Variants in SLC4A3 observed in about 807,000 individuals in gnomAD.
SLC4A3 encodes the protein solute carrier family 4 member 3.
Under a neutral mutation model 114.2 loss-of-function variants are expected in SLC4A3, and 47 were observed. The ratio of observed to expected loss-of-function variants is 0.41; its 90% CI spans 0.33 to 0.52. SLC4A3 has a LOEUF of 0.52. SLC4A3 is among the 20% of genes least tolerant of loss of function. The probability of loss-of-function intolerance (pLI) is 0.21; values close to 1 mark genes in which losing one functional copy is unlikely to be tolerated. For missense variants in SLC4A3, 1,312 were observed against 1,668.3 expected (o/e 0.79, Z 3.72); for synonymous variants, 693 against 710.3 (o/e 0.98, Z 0.39).
Position 219,631,111 on chromosome 2 carries a change from T to G in SLC4A3, c.811+759T>G. ...GGAGCAGGCTTGTGGACTTGGGGAG[T>G]TGGGGTCGGGAGGCTGTGCCACCTT... On this transcript the variant is annotated intron_variant, in intron 6 of 22. Coordinates refer to ENST00000358055, the MANE Select transcript of SLC4A3 (RefSeq NM_005070.4). The surrounding 1 kb of genome is among the most constrained non-coding windows in gnomAD (Gnocchi z 6.3). 3 of 1,139,576 alleles carry G rather than the reference T, an allele frequency of 2.6e-6. No homozygotes were observed. The highest frequency in any genetic ancestry group is 3.8e-5 in the South Asian group (2 of 52,956). 70.6% of individuals were successfully genotyped at this position (1,139,576 alleles called of 1,614,324 possible).
rs1430353328 is a variant in SLC4A3, at chr2:219,636,954, G to A, written c.2535+80G>A. 16 of 1,244,560 alleles carry A rather than the reference G, an allele frequency of 1.3e-5. No homozygotes were observed. The highest frequency in any genetic ancestry group is 1.8e-5 in the Non-Finnish European group (16 of 867,542). 77.1% of individuals were successfully genotyped at this position (1,244,560 alleles called of 1,614,324 possible). A position where few individuals can be genotyped will look rare whatever the true frequency, so the allele number is the denominator to read the frequency against. ...GGGGAGGACAGCATGGGAGGGGGAG[G>A]TATGGAGAACTAGGGGACAAGGAGA... On this transcript the variant is annotated intron_variant, in intron 16 of 22. Transcript: ENST00000358055. This position sits in a 1 kb window ranked among gnomAD's most constrained non-coding sequence, Gnocchi z 5.5.
intron 11 of SLC4A3, among the ~76,000 whole-genome samples, 167 bp downstream of exon 11, chr2:219,634,146 C>T (rs1699037331): frequency 1.3e-5 from 2 of 152,186 alleles, no homozygotes; most frequent in Non-Finnish European, 2.9e-5. Context: ...CCCTTTCTTT[C>T]GTAGTCCCCT....
rs538106346 is a variant in SLC4A3, at chr2:219,629,135, C to T, written c.218-9C>T. 2.7e-5 allele frequency: 43 copies of T among 1,568,086 alleles called. No individual in the cohort carries two copies. In the East Asian group the frequency reaches 5.0e-4, roughly 18 times the overall value. The stretch of plus-strand genomic sequence containing the variant: ...GTGGGGGCCTCAACCGGATCTCCTG[C>T]ACCCCCAGTTCACCGGCACACATCC... On this transcript the variant is annotated splice_polypyrimidine_tract_variant and intron_variant, in intron 3 of 22. Transcript: ENST00000358055.
Position 219,636,629 on chromosome 2 carries a change from A to T in SLC4A3, c.2341-51A>T. 6.5e-7 allele frequency: 1 copy of T among 1,537,656 alleles called. No individual in the cohort carries two copies. The highest frequency in any genetic ancestry group is 1.2e-5 in the South Asian group (1 of 83,008). ...CCGCTGCCTATTCCAGGGGGCATTG[A>T]CACCCAGGGCAGTCCACCTGTGGGT... On this transcript the variant is annotated intron_variant, in intron 15 of 22. Coordinates refer to ENST00000358055, the MANE Select transcript of SLC4A3 (RefSeq NM_005070.4). The surrounding 1 kb of genome is among the most constrained non-coding windows in gnomAD (Gnocchi z 5.5).
intron 7 of SLC4A3, 34 bp from the exon 8 acceptor site, chr2:219,632,228 G>T: frequency 6.2e-7 from 1 of 1,613,336 alleles, no homozygotes; most frequent in Non-Finnish European, 8.5e-7. Context: ...ACACCTGTTG[G>T]CCCCTGGGCC....
In SLC4A3 at chr2:219,638,214, G is replaced by A. The variant is rs1699197990; in HGVS notation, c.2817G>A (p.Met939Ile). ...DFGIPISILVMVLVDYSITDT... is the reference protein window; with the variant it reads ...DFGIPISILVIVLVDYSITDT... ...GCATCCCCATCTCCATCCTGGTGAT[G>A]GTCCTGGTGGATTACTCCATCACAG... Residue 939 changes from methionine (M) to isoleucine (I), a missense_variant, in exon 18 of 23, where the codon ATG (methionine) becomes ATA (isoleucine). Met to Ile is a conservative substitution (Grantham distance 10). This residue lies in a region of SLC4A3 where 301 missense variants were observed against 460.7 expected (regional missense o/e 0.65). Coordinates refer to ENST00000358055, the MANE Select transcript of SLC4A3 (RefSeq NM_005070.4). The surrounding 1 kb of genome is among the most constrained non-coding windows in gnomAD (Gnocchi z 7.5). The A allele has an allele frequency of 6.2e-7, 1 of 1,612,816 alleles. No homozygotes were observed. The highest frequency in any genetic ancestry group is 1.7e-5 in the Admixed American group (1 of 59,896).
Position 219,632,905 on chromosome 2 carries a change from C to T in SLC4A3, c.1173C>T (p.Thr391=). ...CCCTCCTGGACCTGGAGCAAACCAC[C>T]CTGCCAGGCATTGCACACCTCGTGG... ...GAALLDLEQT[T]LPGIAHLVVE... is the part of the protein sequence containing the mutation. The change falls in exon 9 of 23, where the codon ACC becomes ACT. Residue 391 remains threonine (T), a synonymous_variant. Transcript: ENST00000358055. 1.9e-6 allele frequency: 3 copies of T among 1,614,182 alleles called. No individual in the cohort carries two copies. Among genetic ancestry groups the T allele is most frequent in the Non-Finnish European group, 2.5e-6 (3 of 1,180,030 alleles).
At position 219,638,210 on chromosome 2, in the gene SLC4A3, T is replaced by G; in HGVS notation, c.2813T>G (p.Val938Gly). The change falls in exon 18 of 23, where the codon GTG becomes GGG. Residue 938 changes from valine to glycine, a missense_variant. Val to Gly is a moderately radical substitution (Grantham distance 109). Transcript: ENST00000358055. This position sits in a 1 kb window ranked among gnomAD's most constrained non-coding sequence, Gnocchi z 7.5. The stretch of plus-strand genomic sequence containing the variant: ...TTTGGCATCCCCATCTCCATCCTGG[T>G]GATGGTCCTGGTGGATTACTCCATC... ...GDFGIPISIL[V>G]MVLVDYSITD... 6.2e-7 allele frequency: 1 copy of G among 1,612,824 alleles called. No individual in the cohort carries two copies. The highest frequency in any genetic ancestry group is 8.5e-7 in the Non-Finnish European group (1 of 1,179,388).
At position 219,636,172 on chromosome 2, in the gene SLC4A3, A is replaced by T. The variant is rs189264937; in HGVS notation, c.2192-130A>T. On this transcript the variant is annotated intron_variant, in intron 14 of 22. Coordinates refer to ENST00000358055, the MANE Select transcript of SLC4A3 (RefSeq NM_005070.4). The surrounding 1 kb of genome is among the most constrained non-coding windows in gnomAD (Gnocchi z 5.5). ...AGGGTTTGGGAGCAATGGGGTATGG[A>T]AGGGGCCCTGTGTGTCACTCTAAGG... 7 of 1,056,552 alleles carry T rather than the reference A, an allele frequency of 6.6e-6. No homozygotes were observed. The Admixed American group carries it at 1.4e-4, about 21-fold the overall frequency. The allele number at this position is 1,056,552 out of a possible 1,614,324, so 65.4% of individuals were successfully genotyped here.
chr2:219,634,014 A>T, intron 11 of SLC4A3, 35 bp downstream of exon 11: 1 of 1,519,230 alleles, frequency 6.6e-7, no homozygotes, highest in Admixed American at 2.1e-5. Flanking sequence ...CAGGGTCTGC[A>T]GTGTGTGTGT....
In SLC4A3 at chr2:219,640,535, C is replaced by T; in HGVS notation, c.3383C>T (p.Ser1128Phe). ...GVTSLSGIQLSQRLLLILMPA... is the reference protein window; with the variant it reads ...GVTSLSGIQLFQRLLLILMPA... Reference sequence around the variant, plus strand: ...ACGTCCCTGTCTGGTATCCAGCTGTCCCAGCGTTTGTTGCTCATCCTCATG... The same window carrying T: ...ACGTCCCTGTCTGGTATCCAGCTGTTCCAGCGTTTGTTGCTCATCCTCATG... Residue 1128 changes from serine (S) to phenylalanine (F), a missense_variant, in exon 21 of 23, where the codon TCC becomes TTC. Transcript: ENST00000358055. 1 of 1,614,174 alleles carries T rather than the reference C, an allele frequency of 6.2e-7. No individual in the cohort carries two copies. The highest frequency in any genetic ancestry group is 8.5e-7 in the Non-Finnish European group (1 of 1,180,020).
At position 219,632,257 on chromosome 2, in the gene SLC4A3, C is replaced by T; in HGVS notation, c.961-5C>T. ...CTGGGCCCTCACCTTTGGCACGCCC[C>T]CCAGGTGTTCGTGGAGCTGAACGAG... On this transcript the variant is annotated splice_polypyrimidine_tract_variant and splice_region_variant and intron_variant, in intron 7 of 22. Coordinates refer to ENST00000358055, the MANE Select transcript of SLC4A3 (RefSeq NM_005070.4). The T allele has an allele frequency of 6.2e-7, 1 of 1,613,968 alleles. No individual in the cohort carries two copies. Among genetic ancestry groups the T allele is most frequent in the Non-Finnish European group, 8.5e-7 (1 of 1,180,000 alleles).
chr2:219,639,881 T>C lies in SLC4A3; in HGVS notation c.3277+146T>C. On this transcript the variant is annotated intron_variant, in intron 20 of 22. Coordinates refer to ENST00000358055, the MANE Select transcript of SLC4A3 (RefSeq NM_005070.4). The surrounding 1 kb of genome is among the most constrained non-coding windows in gnomAD (Gnocchi z 5.9). ...CCAAACCTGCTTCCCAGCACTCCCC[T>C]AGCCCTTTACTCCTGGAGTCCTTTT... The C allele has an allele frequency of 9.7e-7, 1 of 1,026,586 alleles. No homozygotes were observed. The highest frequency in any genetic ancestry group is 1.6e-5 in the South Asian group (1 of 63,484). 63.6% of individuals were successfully genotyped at this position (1,026,586 alleles called of 1,614,324 possible). A position where few individuals can be genotyped will look rare whatever the true frequency, so the allele number is the denominator to read the frequency against.
In SLC4A3 at chr2:219,632,420, G is replaced by A; in HGVS notation, c.1119G>A (p.Glu373=). Residue 373 remains glutamate (E), a synonymous_variant, in exon 8 of 23, where the codon GAG becomes GAA. Transcript: ENST00000358055. ...CGCTCTCCTTCCGTAGCCTTCTGGA[G>A]CTCAGGAGGACCATCGCCCATGGTA... is the stretch of plus-strand genomic sequence containing the variant. ...VASLSFRSLL[E]LRRTIAHGAA... The A allele has an allele frequency of 6.2e-7, 1 of 1,603,098 alleles. No individual in the cohort carries two copies. Among genetic ancestry groups the A allele is most frequent in the Non-Finnish European group, 8.5e-7 (1 of 1,174,706 alleles).
chr2:219,636,770 G>A lies in SLC4A3; in HGVS notation c.2431G>A (p.Glu811Lys), dbSNP rs746630939. The A allele has an allele frequency of 1.9e-6, 3 of 1,614,058 alleles. No homozygotes were observed. The highest frequency in any genetic ancestry group is 2.2e-5 in the East Asian group (1 of 44,864). ...VVFVLALVAA[E>K]GSFLVRYISP... ...CTTCGTCCTTGCCCTGGTGGCCGCC[G>A]AAGGCAGCTTCCTGGTCCGCTACAT... is the stretch of plus-strand genomic sequence containing the variant. Residue 811 changes from glutamate to lysine, a missense_variant, in exon 16 of 23, where the codon GAA (glutamate) becomes AAA (lysine). Around this residue, in one of 4 missense-constraint regions of SLC4A3, gnomAD observed 771 missense variants for 977.7 expected, o/e 0.79. Transcript: ENST00000358055. This position sits in a 1 kb window ranked among gnomAD's most constrained non-coding sequence, Gnocchi z 5.5.
rs1195990121 is a variant in SLC4A3 at position 219,639,799 on chromosome 2, A to C, written c.3277+64A>C. On this transcript the variant is annotated intron_variant, in intron 20 of 22. Transcript: ENST00000358055. The surrounding 1 kb of genome is among the most constrained non-coding windows in gnomAD (Gnocchi z 5.9). ...GGCCCCACGGTCTTACATCTTCACT[A>C]TCCCAGGCTTGACCCTGAATCTCCC... is the stretch of plus-strand genomic sequence containing the variant. 37 of 1,570,728 alleles carry C rather than the reference A, an allele frequency of 2.4e-5. No individual in the cohort carries two copies. In the Middle Eastern group the frequency reaches 9.0e-4, roughly 38 times the overall value.
In SLC4A3 at chr2:219,628,144, A is replaced by G; in HGVS notation, c.51+101A>G. 1.0e-6 allele frequency: 1 copy of G among 992,764 alleles called. No individual in the cohort carries two copies. Among genetic ancestry groups the G allele is most frequent in the Non-Finnish European group, 1.4e-6 (1 of 695,128 alleles). 61.5% of individuals were successfully genotyped at this position (992,764 alleles called of 1,614,324 possible). A position where few individuals can be genotyped will look rare whatever the true frequency, so the allele number is the denominator to read the frequency against. ...TCTGGCCGACCCCGGGACCCCCCAG[A>G]TCCAGGGATGAGCTGGGCTGGGGGT... On this transcript the variant is annotated intron_variant, in intron 2 of 22. Coordinates refer to ENST00000358055, the MANE Select transcript of SLC4A3 (RefSeq NM_005070.4). This position sits in a 1 kb window ranked among gnomAD's most constrained non-coding sequence, Gnocchi z 4.8.
In SLC4A3 at chr2:219,628,422, G is replaced by T. The variant is rs1367320503; in HGVS notation, c.69G>T (p.Glu23Asp). The change falls in exon 3 of 23, where the codon GAG becomes GAT. Residue 23 changes from glutamate (E) to aspartate (D), a missense_variant. Physicochemically the swap from Glu to Asp is conservative, Grantham distance 45. Coordinates refer to ENST00000358055, the MANE Select transcript of SLC4A3 (RefSeq NM_005070.4). The surrounding 1 kb of genome is among the most constrained non-coding windows in gnomAD (Gnocchi z 4.8). ...SPLPQVRVPL[E>D]EPPLSPDVEE... ...GCCTGCAGGTCCGGGTGCCCTTGGAGGAGCCCCCTCTAAGTCCAGACGTGG... is the reference window on the plus strand; with the variant it reads ...GCCTGCAGGTCCGGGTGCCCTTGGATGAGCCCCCTCTAAGTCCAGACGTGG... The T allele has an allele frequency of 6.2e-7, 1 of 1,612,518 alleles. No individual in the cohort carries two copies. Among genetic ancestry groups the T allele is most frequent in the South Asian group, 1.1e-5 (1 of 90,864 alleles).
chr2:219,628,871 G>A lies in SLC4A3; in HGVS notation c.218-273G>A, dbSNP rs747181952. On this transcript the variant is annotated intron_variant, in intron 3 of 22. Transcript: ENST00000358055. The surrounding 1 kb of genome is among the most constrained non-coding windows in gnomAD (Gnocchi z 4.8). The stretch of plus-strand genomic sequence containing the variant: ...ACTCACTCCCTCCTTGTCCCACCTC[G>A]GCTAGTCCAACTCCGCCTTTCCCCT... The A allele has an allele frequency of 5.2e-6, 3 of 579,608 alleles. No individual in the cohort carries two copies. The highest frequency in any genetic ancestry group is 2.9e-5 in the East Asian group (1 of 34,248). 35.9% of individuals were successfully genotyped at this position (579,608 alleles called of 1,614,324 possible).
Sources: allele counts gnomAD v4.1 joint callset (sites outside exome capture counted in the v4.1 genomes callset), GRCh38; gene constraint gnomAD v4.1.1; regional missense constraint gnomAD v4.1.1; non-coding constraint Gnocchi (gnomAD v3.1); transcripts MANE v1.5; gene names NCBI Gene and HGNC (gene_info 2026-07-23, HGNC 2026-07-21).